CSMD1: variants seen among roughly 807,000 people sequenced by gnomAD.
CSMD1 encodes CUB and Sushi multiple domains 1, also known as CUB and sushi domain-containing protein 1.
In CSMD1, 213 loss-of-function variants were observed where a neutral mutation model predicts 417.5. The observed-to-expected ratio is 0.51, with a 90% CI of 0.46 to 0.57. The LOEUF (loss-of-function observed/expected upper bound fraction) is 0.57. Among genes scored for constraint, CSMD1 ranks in the 20% least tolerant of loss-of-function variants. CSMD1 has a pLI of 0.00. For synonymous variants in CSMD1, 2,862 were observed against 1,736.8 expected, an observed-to-expected ratio of 1.65 and a Z score of -16.11; for missense variants, 6,923 against 4,529.7, an observed-to-expected ratio of 1.53 and a Z score of -15.17.
At chr8:3,745,608 A>G (rs991946305) in intron 6 of CSMD1, among the ~76,000 whole-genome samples, 1 of 152,190 alleles carries the variant, frequency 6.6e-6, no homozygotes, top group Non-Finnish European at 1.5e-5. Flanking sequence ...CTCTGGATTC[A>G]TTCTGAGCAC....
chr8:4,722,547 C>T (rs929436823), intron 1 of CSMD1, among the ~76,000 whole-genome samples: 1 of 152,066 alleles, frequency 6.6e-6, no homozygotes, highest in Non-Finnish European at 1.5e-5. Context: ...TGGGGTAGAA[C>T]TTTCCAAATG....
chr8:3,746,842 A>T (rs879294441), intron 6 of CSMD1, among the ~76,000 whole-genome samples: 2 of 152,166 alleles, frequency 1.3e-5, no homozygotes, highest in Non-Finnish European at 2.9e-5. Flanking sequence ...TCTTTGATGA[A>T]GGTCAATAGG....
At chr8:3,419,883 G>C (rs990123542) in intron 12 of CSMD1, among the ~76,000 whole-genome samples, 2 of 152,086 alleles carry the variant, frequency 1.3e-5, no homozygotes, top group African/African-American at 4.8e-5. Context: ...TAGACTCTTG[G>C]AATAGATCCT....
At chr8:3,527,764 A>T (rs1392987143) in intron 10 of CSMD1, among the ~76,000 whole-genome samples, 1 of 152,168 alleles carries the variant, frequency 6.6e-6, no homozygotes, top group African/African-American at 2.4e-5. Flanking sequence ...GTACTGTTTT[A>T]TTCAACCCTT....
chr8:4,839,281 C>T (rs1297504670), intron 1 of CSMD1, among the ~76,000 whole-genome samples: 1 of 152,138 alleles, frequency 6.6e-6, no homozygotes, highest in African/African-American at 2.4e-5. Flanking sequence ...TTCATTCATT[C>T]ATCTATTTGT....
At chr8:4,816,414 G>A (rs539734723) in intron 1 of CSMD1, among the ~76,000 whole-genome samples, 113 of 152,140 alleles carry the variant, frequency 7.4e-4, no homozygotes, top group Non-Finnish European at 1.4e-3. Context: ...GTGGTGGAGT[G>A]AGGGCGGTTC....
Position 3,997,370 on chromosome 8 carries a change from G to A in CSMD1, c.818+533C>T, listed in dbSNP as rs1267182865. ...ACACCAGAGAACTGACCACCCTGCGGTTAATTTTATACATATAGTGGACTA... is the reference window on the plus strand; with the variant it reads ...ACACCAGAGAACTGACCACCCTGCGATTAATTTTATACATATAGTGGACTA... On this transcript the variant is annotated intron_variant, in intron 5 of 69. Transcript: ENST00000635120. 3.9e-5 allele frequency among the ~76,000 whole-genome samples: 6 copies of A among 152,080 alleles called. No individual in the cohort carries two copies. The East Asian group carries it at 9.7e-4, about 25-fold the overall frequency.
intron 1 of CSMD1, among the ~76,000 whole-genome samples, chr8:4,824,289 G>T (rs1306039533): frequency 6.6e-6 from 1 of 151,992 alleles, no homozygotes; most frequent in South Asian, 2.1e-4. Flanking sequence ...GTTTTTCTTG[G>T]GTACGTATCA....
chr8:3,970,286 C>T (rs1006884444), intron 5 of CSMD1, among the ~76,000 whole-genome samples: 2 of 152,182 alleles, frequency 1.3e-5, no homozygotes, highest in African/African-American at 4.8e-5. Flanking sequence ...GCCTTTGAAA[C>T]AGTCTTTCTA....
At chr8:3,599,125 CTGTGTGTG>C (rs143211609) in intron 8 of CSMD1, among the ~76,000 whole-genome samples, 1 of 144,506 alleles carries the variant, frequency 6.9e-6, no homozygotes, top group Non-Finnish European at 1.5e-5. Flanking sequence ...TTGCTTACTG[CTGTGTGTG>C]TGTGTGTGTG....
chr8:4,474,041 G>A (rs1022659447), intron 2 of CSMD1, among the ~76,000 whole-genome samples: 1 of 151,922 alleles, frequency 6.6e-6, no homozygotes, highest in African/African-American at 2.4e-5. Flanking sequence ...TACTATCAAA[G>A]AAATAAAAGC....
At chr8:4,774,354 G>C (rs1381562475) in intron 1 of CSMD1, among the ~76,000 whole-genome samples, 1 of 152,168 alleles carries the variant, frequency 6.6e-6, no homozygotes, top group Non-Finnish European at 1.5e-5. Context: ...GGAAATCCAT[G>C]AGTAAGATCA....
intron 2 of CSMD1, among the ~76,000 whole-genome samples, chr8:4,536,093 A>T (rs760369539): frequency 3.9e-5 from 6 of 152,190 alleles, no homozygotes; most frequent in Non-Finnish European, 8.8e-5. Context: ...AAGTCAGTAA[A>T]TCTGATTACC....
intron 3 of CSMD1, among the ~76,000 whole-genome samples, chr8:4,094,508 G>C (rs998186228): frequency 6.6e-6 from 1 of 152,182 alleles, no homozygotes; most frequent in Non-Finnish European, 1.5e-5. Flanking sequence ...ACGCAGGGTG[G>C]AGGAATCTAA....
At chr8:3,480,140 C>T (rs1315841506) in intron 11 of CSMD1, among the ~76,000 whole-genome samples, 1 of 152,032 alleles carries the variant, frequency 6.6e-6, no homozygotes, top group Non-Finnish European at 1.5e-5. Context: ...GGATGGATTG[C>T]CTGAGCTCAG....
chr8:4,042,148 T>C (rs1483443844), intron 3 of CSMD1, among the ~76,000 whole-genome samples: 3 of 152,110 alleles, frequency 2.0e-5, no homozygotes, highest in Non-Finnish European at 2.9e-5. Context: ...CTTCAAAATT[T>C]ACTAAAACAG....
At chr8:3,910,079 C>T (rs1214016049) in intron 5 of CSMD1, among the ~76,000 whole-genome samples, 1 of 152,142 alleles carries the variant, frequency 6.6e-6, no homozygotes. Flanking sequence ...CAGCTGCTAA[C>T]ATGGCATTGG....
intron 3 of CSMD1, among the ~76,000 whole-genome samples, chr8:4,201,425 C>A (rs1369173208): frequency 1.3e-5 from 2 of 151,780 alleles, no homozygotes; most frequent in East Asian, 3.9e-4. Flanking sequence ...GTAGTCCCAG[C>A]TACTCAGGAG....
chr8:3,466,067 ATC>A (rs1295529064), intron 12 of CSMD1, among the ~76,000 whole-genome samples: 1 of 152,176 alleles, frequency 6.6e-6, no homozygotes, highest in Non-Finnish European at 1.5e-5. Context: ...TGTAGAAAAA[ATC>A]TCAAAATTAA....
Sources: allele counts gnomAD v4.1 joint callset (sites outside exome capture counted in the v4.1 genomes callset), GRCh38; gene constraint gnomAD v4.1.1; transcripts MANE v1.5; gene names NCBI Gene and HGNC (gene_info 2026-07-23, HGNC 2026-07-21).